CCDC171: variants seen among roughly 807,000 people sequenced by gnomAD.
CCDC171 encodes coiled-coil domain containing 171, also known as coiled-coil domain-containing protein 171.
In CCDC171, 177 loss-of-function variants were observed where a neutral mutation model predicts 168.2. The observed-to-expected ratio is 1.05, with a 90% CI of 0.93 to 1.19. The LOEUF (loss-of-function observed/expected upper bound fraction) is 1.19. CCDC171 is among the 50% of genes most tolerant of loss of function. The pLI is 0.00. For missense variants in CCDC171, 1,991 were observed against 1,539.0 expected, an observed-to-expected ratio of 1.29 and a Z score of -4.91; for synonymous variants, 687 against 540.8, an observed-to-expected ratio of 1.27 and a Z score of -3.75.
At chr9:15,570,126 C>A (rs529128940) in intron 2 of CCDC171, among the ~76,000 whole-genome samples, 1 of 152,010 alleles carries the variant, frequency 6.6e-6, no homozygotes, top group African/African-American at 2.4e-5. Flanking sequence ...TGAGCCACCA[C>A]ATCCAGCTAA....
At chr9:15,734,628 A>G (rs940691710) in intron 16 of CCDC171, among the ~76,000 whole-genome samples, 3 of 152,196 alleles carry the variant, frequency 2.0e-5, no homozygotes, top group Non-Finnish European at 4.4e-5. Context: ...AATATAATTG[A>G]ATACACTGCA....
In CCDC171 at chr9:16,053,255, G is replaced by A. The variant is rs79065062; in HGVS notation, n.90-7391G>A. 3.9e-5 allele frequency among the ~76,000 whole-genome samples: 6 copies of A among 152,254 alleles called. No individual in the cohort carries two copies. The East Asian group carries it at 9.6e-4, about 24-fold the overall frequency. ...CCTGCCCAAGGTCAACCATCAGCTTGAGCGTGGACCAGAGTCCAGGTCCAC... is the reference window on the plus strand; with the variant it reads ...CCTGCCCAAGGTCAACCATCAGCTTAAGCGTGGACCAGAGTCCAGGTCCAC... On this transcript the variant is annotated intron_variant and non_coding_transcript_variant, in intron 1 of 1. Transcript: ENST00000478913.
intron 21 of CCDC171, among the ~76,000 whole-genome samples, chr9:15,837,101 T>C (rs1223918475): frequency 1.3e-5 from 2 of 152,312 alleles, no homozygotes; most frequent in East Asian, 1.9e-4. Context: ...TTCTCTCTTG[T>C]TCTAGAGGTT....
At chr9:15,964,300 G>A (rs1207183345) in intron 25 of CCDC171, among the ~76,000 whole-genome samples, 1 of 152,112 alleles carries the variant, frequency 6.6e-6, no homozygotes, top group African/African-American at 2.4e-5. Flanking sequence ...GGGATTCTAT[G>A]TGTTGCACAT....
chr9:16,043,392 G>A (rs796667650), intron 1 of CCDC171, among the ~76,000 whole-genome samples: 6 of 152,282 alleles, frequency 3.9e-5, no homozygotes, highest in African/African-American at 1.4e-4. Context: ...TTTATTTGGG[G>A]TGTTGAAAAG....
chr9:15,945,467 A>G (rs1291848547), intron 25 of CCDC171, among the ~76,000 whole-genome samples: 1 of 151,348 alleles, frequency 6.6e-6, no homozygotes, highest in Non-Finnish European at 1.5e-5. Context: ...TGACTTCCAC[A>G]ATGGTAGAAC....
chr9:15,676,453 G>C (rs2049569622), intron 9 of CCDC171, among the ~76,000 whole-genome samples: 1 of 151,834 alleles, frequency 6.6e-6, no homozygotes. Context: ...TGCAAATGCA[G>C]AAATCACCCA....
chr9:15,784,810 A>T (rs369667283), intron 21 of CCDC171, 116 bp downstream of exon 21: 10 of 752,398 alleles, frequency 1.3e-5, no homozygotes, highest in Non-Finnish European at 2.1e-5. Context: ...ATTTTATTCT[A>T]TGAGGATAGA....
intron 24 of CCDC171, among the ~76,000 whole-genome samples, chr9:15,913,591 C>A (rs1247228424): frequency 6.6e-6 from 1 of 152,100 alleles, no homozygotes; most frequent in Non-Finnish European, 1.5e-5. Flanking sequence ...TTAGAACATG[C>A]TCCTTTAGCT....
chr9:15,865,034 T>C (rs2061717428), intron 23 of CCDC171, among the ~76,000 whole-genome samples: 1 of 152,060 alleles, frequency 6.6e-6, no homozygotes, highest in Non-Finnish European at 1.5e-5. Flanking sequence ...GCTTTTATCG[T>C]AAATCATCTA....
At position 15,992,103 on chromosome 9, in the gene CCDC171, A is replaced by G. The variant is rs541523405; in HGVS notation, n.369-28486A>G. On this transcript the variant is annotated intron_variant and non_coding_transcript_variant, in intron 3 of 9. Transcript: ENST00000486641. ...ATGAGGCCAGCATCATCCTGATACC[A>G]AAGCCTGGCAGAGACACAACAAAAA... Among the ~76,000 whole-genome samples the G allele has an allele frequency of 4.6e-5, 7 of 152,332 alleles. No homozygotes were observed. In the South Asian group the frequency reaches 1.5e-3, roughly 32 times the overall value.
chr9:15,806,172 C>G (rs2059066135), intron 21 of CCDC171, among the ~76,000 whole-genome samples: 1 of 152,012 alleles, frequency 6.6e-6, no homozygotes, highest in South Asian at 2.1e-4. Context: ...ACCGATGGGT[C>G]TTGGTTCTTT....
the CCDC171 span, among the ~76,000 whole-genome samples, chr9:16,076,174 C>G: frequency 3.3e-5 from 5 of 152,202 alleles, no homozygotes; most frequent in African/African-American, 7.2e-5. Flanking sequence ...GAGCGTTGCT[C>G]TGCTCTCCCG....
intron 6 of CCDC171, among the ~76,000 whole-genome samples, chr9:16,032,181 A>G (rs1586846649): frequency 6.6e-6 from 1 of 152,314 alleles, no homozygotes; most frequent in East Asian, 1.9e-4. Flanking sequence ...AGTGGGTAGG[A>G]TGCTGCCAAC....
chr9:15,962,170 C>T (rs773400348), intron 25 of CCDC171, among the ~76,000 whole-genome samples: 2 of 152,096 alleles, frequency 1.3e-5, no homozygotes, highest in Non-Finnish European at 2.9e-5. Context: ...GGGGCTAATG[C>T]TTGTAACAGA....
chr9:15,590,836 C>CTTTCTTG (rs1554693267), intron 4 of CCDC171, among the ~76,000 whole-genome samples: 1 of 32,564 alleles, frequency 3.1e-5, no homozygotes, highest in South Asian at 9.2e-4. Context: ...TTTCTTTCTT[C>CTTTCTTG]TTCTTTCTTT....
chr9:15,581,393 C>G (rs142446662), intron 4 of CCDC171, among the ~76,000 whole-genome samples: 49 of 152,302 alleles, frequency 3.2e-4, no homozygotes, highest in African/African-American at 1.2e-3. Flanking sequence ...CCCCATCAAG[C>G]TACCACTGGC....
chr9:15,962,458 A>G (rs1443837831), intron 25 of CCDC171, among the ~76,000 whole-genome samples: 2 of 152,234 alleles, frequency 1.3e-5, no homozygotes, highest in Non-Finnish European at 2.9e-5. Flanking sequence ...TTGCCCAATT[A>G]TAGATCCAAT....
intron 25 of CCDC171, among the ~76,000 whole-genome samples, chr9:15,958,248 A>C (rs1329361712): frequency 6.6e-6 from 1 of 152,122 alleles, no homozygotes; most frequent in Non-Finnish European, 1.5e-5. Context: ...CTGTGGCTTC[A>C]AGGAGTGAAC....
Sources: allele counts gnomAD v4.1 joint callset (sites outside exome capture counted in the v4.1 genomes callset), GRCh38; gene constraint gnomAD v4.1.1; transcripts MANE v1.5; gene names NCBI Gene and HGNC (gene_info 2026-07-23, HGNC 2026-07-21).